Variants in PGLYRP3 observed in about 807,000 individuals in gnomAD.
PGLYRP3 encodes peptidoglycan recognition protein I alpha.
PGLYRP3 carries 39 observed loss-of-function variants against 36.0 expected under a neutral mutation model. The observed-to-expected ratio is 1.08, with a 90% CI of 0.84 to 1.41. PGLYRP3 has a LOEUF of 1.41. PGLYRP3 is among the 40% of genes most tolerant of loss of function. The probability of loss-of-function intolerance (pLI) is 0.00; values close to 1 mark genes in which losing one functional copy is unlikely to be tolerated. For missense variants in PGLYRP3, 407 were observed against 427.9 expected, an observed-to-expected ratio of 0.95 and a Z score of 0.43; for synonymous variants, 204 against 172.8, an observed-to-expected ratio of 1.18 and a Z score of -1.42.
intron 3 of PGLYRP3, among the ~76,000 whole-genome samples, chr1:153,305,325 A>G (rs1174162108): frequency 6.6e-6 from 1 of 152,212 alleles, no homozygotes; most frequent in Non-Finnish European, 1.5e-5. Flanking sequence ...GTGGAATTTG[A>G]CTGCATGACA....
At chr1:153,302,697 C>T (rs915647940) in intron 5 of PGLYRP3, 90 bp from the exon 6 acceptor site, 14 of 1,278,424 alleles carry the variant, frequency 1.1e-5, no homozygotes, top group Non-Finnish European at 1.6e-5. Flanking sequence ...ATTCCTCAGC[C>T]TCTCCCAGGC....
At position 153,312,893 on chromosome 1, in the gene PGLYRP3, G is replaced by A. The variant is rs1165511283; in HGVS notation, c.-292C>T. ...CCCTAACAAAAGATGGAAGAGAAGA[G>A]AAAGGCAGAGGGCTGAGGCTCCAAG... On this transcript the variant is annotated 5_prime_UTR_variant, in exon 1 of 8. Coordinates refer to ENST00000683862, the MANE Select transcript of PGLYRP3 (RefSeq NM_052891.3). 6.6e-6 allele frequency among the ~76,000 whole-genome samples: 1 copy of A among 152,240 alleles called. No individual in the cohort carries two copies. The highest frequency in any genetic ancestry group is 6.5e-5 in the Admixed American group (1 of 15,294).
At position 153,312,711 on chromosome 1, in the gene PGLYRP3, G is replaced by A. The variant is rs1046665563; in HGVS notation, c.-110C>T. 6.6e-6 allele frequency among the ~76,000 whole-genome samples: 1 copy of A among 152,142 alleles called. No homozygotes were observed. The highest frequency in any genetic ancestry group is 1.5e-5 in the Non-Finnish European group (1 of 68,020). On this transcript the variant is annotated 5_prime_UTR_variant, in exon 1 of 8. Coordinates refer to ENST00000683862, the MANE Select transcript of PGLYRP3 (RefSeq NM_052891.3). ...TCGGCTCGCCCCTGATTGGCCAGCA[G>A]CTCCTTCCCTTCCAGACTTGGCCTC...
intron 4 of PGLYRP3, 63 bp downstream of exon 4, chr1:153,304,884 G>T: frequency 8.1e-7 from 1 of 1,232,530 alleles, no homozygotes; most frequent in Non-Finnish European, 1.2e-6. Context: ...GTTGACCCTT[G>T]GGAGTGGAGG....
chr1:153,298,567 C>T (rs138637968), intron 7 of PGLYRP3, among the ~76,000 whole-genome samples: 2,640 of 152,148 alleles, frequency 0.017, 80 homozygotes, highest in African/African-American at 0.06. Flanking sequence ...GGCGTGAACC[C>T]GGGAAGTGGA....
chr1:153,300,593 T>C (rs1398609185), intron 6 of PGLYRP3, among the ~76,000 whole-genome samples: 1 of 152,182 alleles, frequency 6.6e-6, no homozygotes, highest in Non-Finnish European at 1.5e-5. Flanking sequence ...GAAGGACTCT[T>C]ACGCACACAA....
At position 153,305,015 on chromosome 1, in the gene PGLYRP3, A is replaced by G. The variant is rs145310495; in HGVS notation, c.308T>C (p.Ile103Thr). 1.8e-3 allele frequency: 2,922 copies of G among 1,613,900 alleles called. 3 individuals carry two copies. Among genetic ancestry groups the G allele is most frequent in the Non-Finnish European group, 2.2e-3 (2,556 of 1,179,884 alleles). The change falls in exon 4 of 8, where the codon ATC becomes ACC. Residue 103 changes from isoleucine (I) to threonine (T), a missense_variant. Ile to Thr is a moderately conservative substitution (Grantham distance 89). Coordinates refer to ENST00000683862, the MANE Select transcript of PGLYRP3 (RefSeq NM_052891.3). ...GRVYEGVGWNIQGLHTQGYNN... is the reference protein window; with the variant it reads ...GRVYEGVGWNTQGLHTQGYNN... The stretch of plus-strand genomic sequence containing the variant: ...GTAGCCCTGGGTGTGCAAGCCTTGG[A>G]TGTTCCAGCCAACACCTTCATACAC...
rs1039175878 is a variant in PGLYRP3 at position 153,297,632 on chromosome 1, G to A, written c.*324C>T. ...AAAGGAAGCAAAGAAAGAAAGAAGA[G>A]GAGACAGGGGTTGGGGGGAGAGAGA... On this transcript the variant is annotated 3_prime_UTR_variant, in exon 8 of 8. Coordinates refer to ENST00000683862, the MANE Select transcript of PGLYRP3 (RefSeq NM_052891.3). Among the ~76,000 whole-genome samples the A allele has an allele frequency of 3.3e-5, 5 of 151,222 alleles. No individual in the cohort carries two copies. The highest frequency in any genetic ancestry group is 1.2e-4 in the African/African-American group (5 of 40,696).
chr1:153,304,916 C>T, intron 4 of PGLYRP3, 31 bp downstream of exon 4: 1 of 1,560,854 alleles, frequency 6.4e-7, no homozygotes, highest in Non-Finnish European at 8.8e-7. Context: ...CACAACTCTC[C>T]AGCACAGGGT....
intron 2 of PGLYRP3, 86 bp downstream of exon 2, chr1:153,310,525 A>G: frequency 7.2e-7 from 1 of 1,390,284 alleles, no homozygotes; most frequent in Non-Finnish European, 1.0e-6. Context: ...AAGTGAAAGC[A>G]CTCGGATGGG....
chr1:153,302,904 A>C (rs1317589034), intron 5 of PGLYRP3, among the ~76,000 whole-genome samples: 1 of 152,242 alleles, frequency 6.6e-6, no homozygotes, highest in Non-Finnish European at 1.5e-5. Context: ...CATTGTCTTC[A>C]AAAGACCATG....
At chr1:153,309,953 G>A (rs1276096543) in intron 2 of PGLYRP3, among the ~76,000 whole-genome samples, 1 of 152,238 alleles carries the variant, frequency 6.6e-6, no homozygotes, top group Non-Finnish European at 1.5e-5. Context: ...TAAATTTGCT[G>A]TCTGAGTAGC....
At position 153,302,522 on chromosome 1, in the gene PGLYRP3, G is replaced by A; in HGVS notation, c.615C>T (p.Ile205=). The A allele has an allele frequency of 1.2e-6, 2 of 1,614,214 alleles. No homozygotes were observed. Among genetic ancestry groups the A allele is most frequent in the African/African-American group, 1.3e-5 (1 of 75,062 alleles). Reference sequence around the variant, plus strand: ...AGCTTGTGCCAGCGGTGTGGATGATGATGACATATTTGGCTGGGAGGTTCA... The same window carrying A: ...AGCTTGTGCCAGCGGTGTGGATGATAATGACATATTTGGCTGGGAGGTTCA... ...PKMNLPAKYV[I]IIHTAGTSCT... Residue 205 remains isoleucine (I), a synonymous_variant, in exon 6 of 8, where the codon ATC becomes ATT. Transcript: ENST00000683862.
At chr1:153,303,430 AT>A (rs1330899321) in intron 5 of PGLYRP3, among the ~76,000 whole-genome samples, 2 of 151,824 alleles carry the variant, frequency 1.3e-5, no homozygotes. Flanking sequence ...TTCCCACTCT[AT>A]TTTTCTCCAT....
At chr1:153,302,652 T>C in intron 5 of PGLYRP3, 45 bp from the exon 6 acceptor site, 1 of 1,587,848 alleles carries the variant, frequency 6.3e-7, no homozygotes, top group South Asian at 1.1e-5. Flanking sequence ...TTTTTTTGCC[T>C]CTCTGTGAGC....
rs755584272 is a variant in PGLYRP3, at chr1:153,299,183, G to A, written c.777C>T (p.His259=). Residue 259 remains histidine, a synonymous_variant, in exon 7 of 8, where the codon CAC becomes CAT. Transcript: ENST00000683862. ...ATCCATAAGTGTGAGAGCCTTGGAT[G>A]TGCCATCCAACCCCTTCATACACGC... is the stretch of plus-strand genomic sequence containing the variant. ...DGGVYEGVGW[H]IQGSHTYGFN... 1.2e-6 allele frequency: 2 copies of A among 1,614,100 alleles called. No homozygotes were observed. The highest frequency in any genetic ancestry group is 1.1e-5 in the South Asian group (1 of 91,070).
Position 153,303,901 on chromosome 1 carries a change from T to C in PGLYRP3, c.485A>G (p.Glu162Gly). ...PRYIQPLLLK[E>G]ETCLDPQHPV... ...ATGTTGAGGGTCCAGGCAGGTCTCT[T>C]CTTTCAGAAGAAGTGGCTGAATATA... The change falls in exon 5 of 8, where the codon GAA (glutamate) becomes GGA (glycine). Residue 162 changes from glutamate (E) to glycine (G), a missense_variant. Transcript: ENST00000683862. 6.2e-7 allele frequency: 1 copy of C among 1,613,926 alleles called. No homozygotes were observed. Among genetic ancestry groups the C allele is most frequent in the Non-Finnish European group, 8.5e-7 (1 of 1,179,974 alleles).
intron 1 of PGLYRP3, among the ~76,000 whole-genome samples, chr1:153,311,482 CCTGAAACTT>C (rs1316484141): frequency 6.6e-6 from 1 of 152,128 alleles, no homozygotes; most frequent in African/African-American, 2.4e-5. Context: ...AGAGCCTCTG[CCTGAAACTT>C]CACAACCTGT....
chr1:153,298,068 C>G lies in PGLYRP3; in HGVS notation c.914G>C (p.Gly305Ala). 1 of 1,613,994 alleles carries G rather than the reference C, an allele frequency of 6.2e-7. No homozygotes were observed. Among genetic ancestry groups the G allele is most frequent in the Non-Finnish European group, 8.5e-7 (1 of 1,180,010 alleles). ...CAGCAGGTAGTTTGGAGTCAGGTAC[C>G]CCTCAACCACGGCACACTGGATCAG... ...QDLIQCAVVE[G>A]YLTPNYLLMG... Residue 305 changes from glycine to alanine, a missense_variant, in exon 8 of 8, where the codon GGG becomes GCG. Physicochemically the swap from Gly to Ala is moderately conservative, Grantham distance 60. Transcript: ENST00000683862.
Sources: allele counts gnomAD v4.1 joint callset (sites outside exome capture counted in the v4.1 genomes callset), GRCh38; gene constraint gnomAD v4.1.1; transcripts MANE v1.5; gene names NCBI Gene and HGNC (gene_info 2026-07-23, HGNC 2026-07-21).